AMY2A: variants seen among roughly 807,000 people sequenced by gnomAD.
The protein encoded by AMY2A is pancreatic alpha-amylase.
In AMY2A, 16 loss-of-function variants were observed where a neutral mutation model predicts 43.0. The ratio of observed to expected loss-of-function variants is 0.37; its 90% confidence interval spans 0.25 to 0.56. AMY2A has a LOEUF of 0.56. Ranked by LOEUF, AMY2A falls within the 20% of genes least tolerant of loss-of-function variation. The pLI, the probability that AMY2A is intolerant of heterozygous loss-of-function variation, is 0.77. For missense variants in AMY2A, 212 were observed against 456.8 expected (o/e 0.46, Z 4.89); for synonymous variants, 70 against 144.6 (o/e 0.48, Z 3.70).
upstream of AMY2A, chr1:103,617,354 A>C (rs1653104527): frequency 6.5e-6 from 10 of 1,550,156 alleles, no homozygotes; most frequent in South Asian, 1.2e-4. Context: ...TCAAGTATTT[A>C]TTCATGCTAA....
Position 103,618,083 on chromosome 1 carries a change from A to G in AMY2A, c.298A>G (p.Arg100Gly), listed in dbSNP as rs1653129469. Residue 100 changes from arginine to glycine, a missense_variant, in exon 2 of 10, where the codon AGA becomes GGA. Physicochemically the swap from Arg to Gly is moderately radical, Grantham distance 125. Around this residue, in one of 2 missense-constraint regions of AMY2A, gnomAD observed 199 missense variants for 210.6 expected, o/e 0.94. Coordinates refer to ENST00000414303, the MANE Select transcript of AMY2A (RefSeq NM_000699.4). ...NEDEFRNMVT[R>G]CNNVGVRIYV... The stretch of plus-strand genomic sequence containing the variant: ...AGATGAATTTAGAAACATGGTGACT[A>G]GATGTAACAATGTTGGGGTAAGTGA... 6.3e-7 allele frequency: 1 copy of G among 1,599,654 alleles called. No homozygotes were observed. Among genetic ancestry groups the G allele is most frequent in the African/African-American group, 1.3e-5 (1 of 74,650 alleles).
intron 3 of AMY2A, among the ~76,000 whole-genome samples, chr1:103,619,347 C>T (rs1431864673): frequency 2.0e-5 from 3 of 150,370 alleles, no homozygotes; most frequent in African/African-American, 4.8e-5. Context: ...AAAATCTCAT[C>T]GACTTTATTT....
intron 1 of AMY2A, 140 bp from the exon 2 acceptor site, chr1:103,617,814 A>G (rs1194393180): frequency 1.2e-5 from 18 of 1,531,738 alleles, no homozygotes; most frequent in Middle Eastern, 2.4e-4. Flanking sequence ...AGAGCCCTCC[A>G]ATGTGCTGTT....
At chr1:103,619,215 G>A (rs1265675558) in intron 3 of AMY2A, 107 bp downstream of exon 3, 2 of 606,184 alleles carry the variant, frequency 3.3e-6, no homozygotes, top group Admixed American at 6.3e-5. Context: ...GATCTCTTAG[G>A]GACAGAAGTT....
At chr1:103,617,849 A>C (rs1302737962) in intron 1 of AMY2A, 105 bp from the exon 2 acceptor site, 1 of 1,567,784 alleles carries the variant, frequency 6.4e-7, no homozygotes, top group African/African-American at 1.4e-5. Flanking sequence ...ATAGCTGCCT[A>C]TACCAAGATT....
Position 103,619,878 on chromosome 1 carries a change from G to T in AMY2A, c.744+94G>T, listed in dbSNP as rs189415154. 6.4e-3 allele frequency: 9,783 copies of T among 1,536,874 alleles called. 76 individuals carry two copies. The highest frequency in any genetic ancestry group is 7.7e-3 in the Middle Eastern group (45 of 5,850). Reference sequence around the variant, plus strand: ...AAAAATGCAATTTCTGTAGGATAAGGAATGAGACATTTACATAAAACAGTG... The same window carrying T: ...AAAAATGCAATTTCTGTAGGATAAGTAATGAGACATTTACATAAAACAGTG... On this transcript the variant is annotated intron_variant, in intron 4 of 9. Coordinates refer to ENST00000414303, the MANE Select transcript of AMY2A (RefSeq NM_000699.4).
intron 2 of AMY2A, 143 bp from the exon 3 acceptor site, chr1:103,618,768 G>C: frequency 6.7e-7 from 1 of 1,487,586 alleles, no homozygotes; most frequent in South Asian, 1.2e-5. Flanking sequence ...TTTCACAGTT[G>C]ATTTTTGATC....
At chr1:103,616,803 G>C (rs1447672621), upstream of AMY2A, 3 of 186,578 alleles carry the variant, frequency 1.6e-5, 1 homozygote, top group Non-Finnish European at 3.1e-5. Context: ...GCTTGTGGAA[G>C]ACCAGTCTGG....
At chr1:103,617,672 C>G in intron 1 of AMY2A, 64 bp downstream of exon 1, 1 of 1,599,548 alleles carries the variant, frequency 6.3e-7, no homozygotes, top group Non-Finnish European at 8.5e-7. Flanking sequence ...GTATTCTGAT[C>G]TTATCTGTGA....
At chr1:103,619,872 G>A (rs762458294) in intron 4 of AMY2A, 88 bp downstream of exon 4, 7 of 1,549,562 alleles carry the variant, frequency 4.5e-6, no homozygotes, top group South Asian at 4.5e-5. Context: ...ATTTCTGTAG[G>A]ATAAGGAATG....
At chr1:103,618,730 T>C (rs527471608) in intron 2 of AMY2A, among the ~76,000 whole-genome samples, 181 bp from the exon 3 acceptor site, 1 of 150,816 alleles carries the variant, frequency 6.6e-6, no homozygotes, top group African/African-American at 2.4e-5. Context: ...CTAGAAGGCA[T>C]GTAGGTGTTT....
rs892703901 is a variant in AMY2A, at chr1:103,617,949, T to G, written c.169-5T>G. ...TGGTACTTATGAAGACTGTTTAATT[T>G]GTAGGTCTCTCCACCAAATGAAAAT... On this transcript the variant is annotated splice_polypyrimidine_tract_variant and splice_region_variant and intron_variant, in intron 1 of 9. Coordinates refer to ENST00000414303, the MANE Select transcript of AMY2A (RefSeq NM_000699.4). The G allele has an allele frequency of 1.9e-6, 3 of 1,600,612 alleles. 1 individual carries two copies. Among genetic ancestry groups the G allele is most frequent in the Non-Finnish European group, 2.6e-6 (3 of 1,170,674 alleles).
At chr1:103,623,152 AC>A (rs1167351497) in intron 7 of AMY2A, among the ~76,000 whole-genome samples, 1 of 103,342 alleles carries the variant, frequency 9.7e-6, no homozygotes, top group Non-Finnish European at 2.1e-5. Flanking sequence ...TAGCAAAAAA[AC>A]CAATATTCCC....
intron 7 of AMY2A, among the ~76,000 whole-genome samples, chr1:103,623,406 G>A (rs544978614): frequency 5.1e-4 from 46 of 90,714 alleles, no homozygotes; most frequent in Admixed American, 4.3e-3. Flanking sequence ...GACCTGAGGA[G>A]TTCAAGACCT....
At position 103,619,654 on chromosome 1, in the gene AMY2A, G is replaced by A. The variant is rs112606716; in HGVS notation, c.614G>A (p.Gly205Asp). 6.2e-7 allele frequency: 1 copy of A among 1,613,662 alleles called. No homozygotes were observed. The highest frequency in any genetic ancestry group is 8.5e-7 in the Non-Finnish European group (1 of 1,179,688). The part of the protein sequence containing the change: ...AEYMNHLIDI[G>D]VAGFRLDASK... ...TATATGAACCATCTCATTGACATTG[G>A]TGTTGCAGGGTTCAGACTTGATGCT... Residue 205 changes from glycine (G) to aspartate (D), a missense_variant, in exon 4 of 10, where the codon GGT becomes GAT. Transcript: ENST00000414303.
At chr1:103,620,033 T>G (rs1427314622) in intron 4 of AMY2A, among the ~76,000 whole-genome samples, 5 of 150,874 alleles carry the variant, frequency 3.3e-5, no homozygotes, top group African/African-American at 4.8e-5. Context: ...TGAAACAAGT[T>G]AATATTTATC....
Position 103,623,945 on chromosome 1 carries a change from G to T in AMY2A, c.1181G>T (p.Gly394Val). The change falls in exon 8 of 10, where the codon GGC becomes GTC. Residue 394 changes from glycine to valine, a missense_variant. Coordinates refer to ENST00000414303, the MANE Select transcript of AMY2A (RefSeq NM_000699.4). ...ACTATTAATCCAGACACTACTTGTG[G>T]CAATGACTGGGTCTGTGAACATCGA... ...EVTINPDTTC[G>V]NDWVCEHRWR... The T allele has an allele frequency of 6.2e-7, 1 of 1,611,886 alleles. No homozygotes were observed. Among genetic ancestry groups the T allele is most frequent in the East Asian group, 2.2e-5 (1 of 44,884 alleles).
chr1:103,618,064 A>G lies in AMY2A; in HGVS notation c.279A>G (p.Glu93=). The change falls in exon 2 of 10, where the codon GAA becomes GAG. Residue 93 remains glutamate (E), a synonymous_variant. Coordinates refer to ENST00000414303, the MANE Select transcript of AMY2A (RefSeq NM_000699.4). ...GCACAAGATCTGGAAATGAAGATGA[A>G]TTTAGAAACATGGTGACTAGATGTA... ...KLCTRSGNED[E]FRNMVTRCNN... is the part of the protein sequence containing the mutation. The G allele has an allele frequency of 6.2e-7, 1 of 1,600,554 alleles. No individual in the cohort carries two copies. Among genetic ancestry groups the G allele is most frequent in the South Asian group, 1.1e-5 (1 of 90,854 alleles).
In AMY2A at chr1:103,618,017, C is replaced by A. The variant is rs1653127093; in HGVS notation, c.232C>A (p.Gln78Lys). Residue 78 changes from glutamine to lysine, a missense_variant, in exon 2 of 10, where the codon CAA becomes AAA. Coordinates refer to ENST00000414303, the MANE Select transcript of AMY2A (RefSeq NM_000699.4). ...TTTCAGACCTTGGTGGGAAAGATAC[C>A]AACCAGTTAGCTATAAATTATGCAC... ...NPFRPWWERY[Q>K]PVSYKLCTRS... The A allele has an allele frequency of 1.0e-5, 16 of 1,600,382 alleles. 1 individual carries two copies. Among genetic ancestry groups the A allele is most frequent in the Non-Finnish European group, 1.4e-5 (16 of 1,170,606 alleles).
Sources: allele counts gnomAD v4.1 joint callset (sites outside exome capture counted in the v4.1 genomes callset), GRCh38; gene constraint gnomAD v4.1.1; regional missense constraint gnomAD v4.1.1; transcripts MANE v1.5; gene names NCBI Gene and HGNC (gene_info 2026-07-23, HGNC 2026-07-21).